The following CAD variants were observed in gnomAD, a reference collection of about 807,000 sequenced individuals.
CAD encodes the protein multifunctional protein CAD.
CAD carries 81 observed loss-of-function variants against 237.2 expected under a neutral mutation model. That is an observed-to-expected ratio of 0.34 (90% confidence interval 0.29 to 0.41). The LOEUF (loss-of-function observed/expected upper bound fraction) is 0.41, where lower values mean the gene tolerates loss of function less well. Ranked by LOEUF, CAD falls within the 10% of genes least tolerant of loss-of-function variation. CAD has a pLI of 1.00. For missense variants in CAD, 2,181 were observed against 2,951.7 expected (o/e 0.74, Z 6.05); for synonymous variants, 1,196 against 1,162.8 (o/e 1.03, Z -0.58).
rs760968094 is a variant in CAD, at chr2:27,235,221, C to G, written c.3787-24C>G. 1.2e-5 allele frequency: 19 copies of G among 1,580,806 alleles called. No individual in the cohort carries two copies. The highest frequency in any genetic ancestry group is 1.6e-5 in the Non-Finnish European group (19 of 1,162,252). On this transcript the variant is annotated intron_variant, in intron 23 of 43. Coordinates refer to ENST00000264705, the MANE Select transcript of CAD (RefSeq NM_004341.5). This position sits in a 1 kb window ranked among gnomAD's most constrained non-coding sequence, Gnocchi z 5.2. The stretch of plus-strand genomic sequence containing the variant: ...GGAGGTCCTCTCACACCTTGGCCCT[C>G]TCTCTTCCCTCCCGCCCCTTTAGGT...
chr2:27,236,922 CTT>C lies in CAD; in HGVS notation c.4396+94_4396+95del, dbSNP rs1222927221. The C allele has an allele frequency of 9.7e-7, 1 of 1,034,420 alleles. No individual in the cohort carries two copies. Among genetic ancestry groups the C allele is most frequent in the Non-Finnish European group, 1.5e-6 (1 of 652,996 alleles). 64.1% of individuals were successfully genotyped at this position (1,034,420 alleles called of 1,614,324 possible). On this transcript the variant is annotated intron_variant, in intron 27 of 43. Transcript: ENST00000264705. This position sits in a 1 kb window ranked among gnomAD's most constrained non-coding sequence, Gnocchi z 4.1. The stretch of plus-strand genomic sequence containing the variant: ...GTGAAGGATGGCTGGGGGGCCCACT[CTT>C]TGTCCTGGACTGCACAGACTGTGAA...
At position 27,234,103 on chromosome 2, in the gene CAD, G is replaced by T. The variant is rs755025407; in HGVS notation, c.3495G>T (p.Ala1165=). 6.2e-7 allele frequency: 1 copy of T among 1,614,138 alleles called. No homozygotes were observed. The highest frequency in any genetic ancestry group is 1.1e-5 in the South Asian group (1 of 91,082). ...VENAGVHSGD[A]TLVTPPQDIT... Reference sequence around the variant, plus strand: ...ATGCAGGTGTGCATTCAGGTGATGCGACGCTGGTGACCCCCCCACAAGATA... The same window carrying T: ...ATGCAGGTGTGCATTCAGGTGATGCTACGCTGGTGACCCCCCCACAAGATA... The change falls in exon 22 of 44, where the codon GCG becomes GCT. Residue 1165 remains alanine (A), a synonymous_variant. Coordinates refer to ENST00000264705, the MANE Select transcript of CAD (RefSeq NM_004341.5).
At chr2:27,221,115 C>A in intron 2 of CAD, 103 bp from the exon 3 acceptor site, 4 of 952,542 alleles carry the variant, frequency 4.2e-6, no homozygotes, top group South Asian at 2.5e-5. Context: ...TATTGAAGGC[C>A]ATTCAATGTG....
rs1042965931 is a variant in CAD at position 27,237,244 on chromosome 2, G to A, written c.4397-135G>A. 53 of 884,474 alleles carry A rather than the reference G, an allele frequency of 6.0e-5. No individual in the cohort carries two copies. The highest frequency in any genetic ancestry group is 3.0e-4 in the Middle Eastern group (1 of 3,388). The allele number at this position is 884,474 out of a possible 1,614,324, so 54.8% of individuals were successfully genotyped here. ...TCACCATGTTGGTCAGGTTGGTCTCGAACTCCTGATCTCAGGTGATCTGCC... is the reference window on the plus strand; with the variant it reads ...TCACCATGTTGGTCAGGTTGGTCTCAAACTCCTGATCTCAGGTGATCTGCC... On this transcript the variant is annotated intron_variant, in intron 27 of 43. Transcript: ENST00000264705. The surrounding 1 kb of genome is among the most constrained non-coding windows in gnomAD (Gnocchi z 4.0).
At position 27,235,386 on chromosome 2, in the gene CAD, A is replaced by T. The variant is rs944715666; in HGVS notation, c.3928A>T (p.Ile1310Phe). The change falls in exon 24 of 44, where the codon ATC becomes TTC. Residue 1310 changes from isoleucine (I) to phenylalanine (F), a missense_variant. This residue lies in a region of CAD where 306 missense variants were observed against 607.9 expected (regional missense o/e 0.50). Transcript: ENST00000264705. The surrounding 1 kb of genome is among the most constrained non-coding windows in gnomAD (Gnocchi z 5.2). ...GGCCATGCTAAGCACTGGCTTTAAG[A>T]TCCCCAAGAAGAATATCCTGCTGAC... ...LKAMLSTGFK[I>F]PKKNILLTIG... 2.5e-6 allele frequency: 4 copies of T among 1,613,500 alleles called. No homozygotes were observed. Among genetic ancestry groups the T allele is most frequent in the Non-Finnish European group, 3.4e-6 (4 of 1,179,714 alleles).
At chr2:27,223,065 C>T in intron 6 of CAD, 28 bp downstream of exon 6, 3 of 1,611,538 alleles carry the variant, frequency 1.9e-6, no homozygotes, top group Non-Finnish European at 2.5e-6. Context: ...CAGAAGGGGC[C>T]CATACTTGTG....
At position 27,235,734 on chromosome 2, in the gene CAD, A is replaced by G. The variant is rs547861204; in HGVS notation, c.4074+94A>G. ...AATTATCTGGGCTGGGCACGGTGGCATATACCTGTAGTCCCAGATACTCAG... is the reference window on the plus strand; with the variant it reads ...AATTATCTGGGCTGGGCACGGTGGCGTATACCTGTAGTCCCAGATACTCAG... On this transcript the variant is annotated intron_variant, in intron 25 of 43. Coordinates refer to ENST00000264705, the MANE Select transcript of CAD (RefSeq NM_004341.5). The surrounding 1 kb of genome is among the most constrained non-coding windows in gnomAD (Gnocchi z 5.2). The G allele has an allele frequency of 3.0e-5, 31 of 1,021,520 alleles. No homozygotes were observed. In the South Asian group the frequency reaches 4.2e-4, roughly 14 times the overall value. 63.3% of individuals were successfully genotyped at this position (1,021,520 alleles called of 1,614,324 possible).
At position 27,225,822 on chromosome 2, in the gene CAD, C is replaced by G. The variant is rs770495043; in HGVS notation, c.1738C>G (p.Pro580Ala). Residue 580 changes from proline to alanine, a missense_variant, in exon 12 of 44, where the codon CCA becomes GCA. Around this residue, in one of 12 missense-constraint regions of CAD, gnomAD observed 174 missense variants for 215.8 expected, o/e 0.81. Coordinates refer to ENST00000264705, the MANE Select transcript of CAD (RefSeq NM_004341.5). ...GGAGGAGCTCTCTGCTCTCGTGGCCCCAGCTTTTGCCCATACCAGCCAAGT... is the reference window on the plus strand; with the variant it reads ...GGAGGAGCTCTCTGCTCTCGTGGCCGCAGCTTTTGCCCATACCAGCCAAGT... Reference protein sequence around the residue: ...NREELSALVAPAFAHTSQVLV... With the variant: ...NREELSALVAAAFAHTSQVLV... 17 of 1,614,204 alleles carry G rather than the reference C, an allele frequency of 1.1e-5. No homozygotes were observed. Among genetic ancestry groups the G allele is most frequent in the Middle Eastern group, 1.6e-4 (1 of 6,062 alleles).
Position 27,236,193 on chromosome 2 carries a change from A to T in CAD, c.4075-91A>T, listed in dbSNP as rs1344307929. ...CCTATGGGTCCTCAGTCTCCTCATC[A>T]TGGGCTCCTGGGCCAGCTCCTCTCC... On this transcript the variant is annotated intron_variant, in intron 25 of 43. Coordinates refer to ENST00000264705, the MANE Select transcript of CAD (RefSeq NM_004341.5). The surrounding 1 kb of genome is among the most constrained non-coding windows in gnomAD (Gnocchi z 4.1). 4 of 1,535,374 alleles carry T rather than the reference A, an allele frequency of 2.6e-6. No homozygotes were observed. In the Admixed American group the frequency reaches 5.8e-5, roughly 22 times the overall value.
intron 3 of CAD, 91 bp from the exon 4 acceptor site, chr2:27,222,103 G>A (rs1304025847): frequency 6.2e-6 from 8 of 1,290,310 alleles, no homozygotes; most frequent in Non-Finnish European, 8.8e-6. Context: ...TGTGTGACTG[G>A]GGCTCTGGAA....
chr2:27,234,556 C>G lies in CAD; in HGVS notation c.3657C>G (p.Val1219=). 6.2e-7 allele frequency: 1 copy of G among 1,614,044 alleles called. No individual in the cohort carries two copies. The highest frequency in any genetic ancestry group is 8.5e-7 in the Non-Finnish European group (1 of 1,179,922). Residue 1219 remains valine, a synonymous_variant, in exon 23 of 44, where the codon GTC becomes GTG. Coordinates refer to ENST00000264705, the MANE Select transcript of CAD (RefSeq NM_004341.5). The part of the protein sequence containing the change: ...QLKVIECNVR[V]SRSFPFVSKT... ...AAGTTATTGAATGCAACGTACGTGTCTCTCGCTCCTTCCCCTTCGTTTCCA... is the reference window on the plus strand; with the variant it reads ...AAGTTATTGAATGCAACGTACGTGTGTCTCGCTCCTTCCCCTTCGTTTCCA...
In CAD at chr2:27,242,751, C is replaced by T. The variant is rs1676382191; in HGVS notation, c.6354C>T (p.Phe2118=). 9.9e-6 allele frequency: 16 copies of T among 1,614,074 alleles called. No individual in the cohort carries two copies. The highest frequency in any genetic ancestry group is 1.3e-5 in the Non-Finnish European group (15 of 1,180,046). The change falls in exon 41 of 44, where the codon TTC becomes TTT. Residue 2118 remains phenylalanine, a synonymous_variant. Coordinates refer to ENST00000264705, the MANE Select transcript of CAD (RefSeq NM_004341.5). This position sits in a 1 kb window ranked among gnomAD's most constrained non-coding sequence, Gnocchi z 6.4. ...SLRMPPTVRA[F]VASRGTKQEE... is the part of the protein sequence containing the mutation. ...GCATGCCACCCACTGTGCGGGCCTTCGTGGCCTCCCGCGGCACCAAGCAGG... is the reference window on the plus strand; with the variant it reads ...GCATGCCACCCACTGTGCGGGCCTTTGTGGCCTCCCGCGGCACCAAGCAGG...
rs1476508331 is a variant in CAD, at chr2:27,241,285, G to A, written c.5809-37G>A. 6.2e-7 allele frequency: 1 copy of A among 1,613,970 alleles called. No homozygotes were observed. The highest frequency in any genetic ancestry group is 1.3e-5 in the African/African-American group (1 of 74,924). ...AGCTTTGAGGATTTGGAAAGCTGGG[G>A]CTAGGACCTTTCTAGCTAACTTGGG... On this transcript the variant is annotated intron_variant, in intron 37 of 43. Coordinates refer to ENST00000264705, the MANE Select transcript of CAD (RefSeq NM_004341.5). The surrounding 1 kb of genome is among the most constrained non-coding windows in gnomAD (Gnocchi z 4.6).
chr2:27,234,680 G>A lies in CAD; in HGVS notation c.3781G>A (p.Val1261Ile). The A allele has an allele frequency of 6.2e-7, 1 of 1,614,002 alleles. No homozygotes were observed. Among genetic ancestry groups the A allele is most frequent in the Non-Finnish European group, 8.5e-7 (1 of 1,179,916 alleles). ...AATGACTGGTTCTGGAGTCGTGGGA[G>A]TAAAGGTAAGGAATATCGAAACCCT... ...GLMTGSGVVG[V>I]KVPQFSFSRL... Residue 1261 changes from valine (V) to isoleucine (I), a missense_variant, in exon 23 of 44, where the codon GTA becomes ATA. Val to Ile is a conservative substitution (Grantham distance 29, BLOSUM62 3). Coordinates refer to ENST00000264705, the MANE Select transcript of CAD (RefSeq NM_004341.5).
chr2:27,239,753 T>A lies in CAD; in HGVS notation c.5451T>A (p.Val1817=). Residue 1817 remains valine, a synonymous_variant, in exon 34 of 44, where the codon GTT becomes GTA. Transcript: ENST00000264705. The surrounding 1 kb of genome is among the most constrained non-coding windows in gnomAD (Gnocchi z 4.0). ...QDVRKWPQGA[V]PQLPPSAPAT... Reference sequence around the variant, plus strand: ...TACGGAAGTGGCCACAGGGGGCTGTTCCTCAGCTCCCACCCTCAGCCCCTG... The same window carrying A: ...TACGGAAGTGGCCACAGGGGGCTGTACCTCAGCTCCCACCCTCAGCCCCTG... 6.3e-7 allele frequency: 1 copy of A among 1,590,366 alleles called. No individual in the cohort carries two copies. The highest frequency in any genetic ancestry group is 1.1e-5 in the South Asian group (1 of 87,770).
chr2:27,242,496 C>T lies in CAD; in HGVS notation c.6222+69C>T, dbSNP rs1676369363. On this transcript the variant is annotated intron_variant, in intron 40 of 43. Coordinates refer to ENST00000264705, the MANE Select transcript of CAD (RefSeq NM_004341.5). This position sits in a 1 kb window ranked among gnomAD's most constrained non-coding sequence, Gnocchi z 6.4. ...TAGAGAGGGAGGCAGGAAGTGGTTACCCCGGTACAGGACAGCTGCATCAAG... is the reference window on the plus strand; with the variant it reads ...TAGAGAGGGAGGCAGGAAGTGGTTATCCCGGTACAGGACAGCTGCATCAAG... 1.9e-6 allele frequency: 3 copies of T among 1,585,126 alleles called. No individual in the cohort carries two copies. Among genetic ancestry groups the T allele is most frequent in the Non-Finnish European group, 2.6e-6 (3 of 1,162,140 alleles).
chr2:27,225,303 C>CCT (rs1675381807), intron 11 of CAD, 60 bp downstream of exon 11: 45 of 542,746 alleles, frequency 8.3e-5, no homozygotes, highest in Non-Finnish European at 5.7e-5. Context: ...GTGTTATTTT[C>CCT]TTTTTTTTTT....
In CAD at chr2:27,233,021, C is replaced by T. The variant is rs756292751; in HGVS notation, c.2893-21C>T. ...TTTCCTCCCACCTGACTGCTAAGTA[C>T]CCTTCCCCTCCCTCTTGCAGATGGG... is the stretch of plus-strand genomic sequence containing the variant. On this transcript the variant is annotated intron_variant, in intron 18 of 43. Transcript: ENST00000264705. This position sits in a 1 kb window ranked among gnomAD's most constrained non-coding sequence, Gnocchi z 6.3. 3 of 1,509,586 alleles carry T rather than the reference C, an allele frequency of 2.0e-6. No individual in the cohort carries two copies. The highest frequency in any genetic ancestry group is 4.5e-5 in the East Asian group (2 of 44,408). 93.5% of individuals were successfully genotyped at this position (1,509,586 alleles called of 1,614,324 possible).
rs1572446752 is a variant in CAD at position 27,237,400 on chromosome 2, A to C, written c.4418A>C (p.His1473Pro). 6.2e-7 allele frequency: 1 copy of C among 1,614,066 alleles called. No individual in the cohort carries two copies. The highest frequency in any genetic ancestry group is 8.5e-7 in the Non-Finnish European group (1 of 1,179,998). The change falls in exon 28 of 44, where the codon CAC (histidine) becomes CCC (proline). Residue 1473 changes from histidine to proline, a missense_variant. By Grantham distance (77) the His-to-Pro change is moderately conservative (BLOSUM62 -2). Coordinates refer to ENST00000264705, the MANE Select transcript of CAD (RefSeq NM_004341.5). The surrounding 1 kb of genome is among the most constrained non-coding windows in gnomAD (Gnocchi z 4.0). ...CCAGGATTGATTGATGTCCATGTGC[A>C]CCTGCGGGAACCAGGTGGGACACAT... The part of the protein sequence containing the change: ...RLPGLIDVHV[H>P]LREPGGTHKE...
Sources: allele counts gnomAD v4.1 joint callset, GRCh38; gene constraint gnomAD v4.1.1; regional missense constraint gnomAD v4.1.1; non-coding constraint Gnocchi (gnomAD v3.1); transcripts MANE v1.5; gene names NCBI Gene and HGNC (gene_info 2026-07-23, HGNC 2026-07-21).